Variants in RYR3 observed in about 807,000 individuals in gnomAD.
The protein encoded by RYR3 is ryanodine receptor 3, also known as brain ryanodine receptor-calcium release channel.
Under a neutral mutation model 584.3 loss-of-function variants are expected in RYR3, and 207 were observed. The observed-to-expected ratio is 0.35, with a 90% CI of 0.32 to 0.40. The LOEUF is 0.40. Among genes scored for constraint, RYR3 ranks in the 10% least tolerant of loss-of-function variants. The pLI is 1.00. For missense variants in RYR3, 5,616 were observed against 6,089.2 expected (o/e 0.92, Z 2.59); for synonymous variants, 2,416 against 2,248.5 (o/e 1.07, Z -2.11).
At position 33,550,292 on chromosome 15, in the gene RYR3, A is replaced by G. The variant is rs1465223012; in HGVS notation, c.948A>G (p.Thr316=). Residue 316 remains threonine, a synonymous_variant, in exon 10 of 104, where the codon ACA becomes ACG. Coordinates refer to ENST00000634891, the MANE Select transcript of RYR3 (RefSeq NM_001036.6). Reference sequence around the variant, plus strand: ...GGGCAAAGTCAGACACCAAGTCCACAGCTTTCTCTTTCCGGGCATCAAAGG... The same window carrying G: ...GGGCAAAGTCAGACACCAAGTCCACGGCTTTCTCTTTCCGGGCATCAAAGG... ...QDRAKSDTKS[T]AFSFRASKEL... is the part of the protein sequence containing the mutation. The G allele has an allele frequency of 3.7e-6, 6 of 1,613,274 alleles. No individual in the cohort carries two copies. In the African/African-American group the frequency reaches 8.0e-5, roughly 22 times the overall value.
chr15:33,401,966 A>G (rs1384548744), intron 1 of RYR3, among the ~76,000 whole-genome samples: 6 of 152,178 alleles, frequency 3.9e-5, no homozygotes, highest in African/African-American at 1.4e-4. Flanking sequence ...TGTAAAGATA[A>G]TATACAAGGC....
chr15:33,539,308 G>GC, intron 5 of RYR3, 42 bp from the exon 6 acceptor site: 2 of 1,319,232 alleles, frequency 1.5e-6, no homozygotes, highest in Non-Finnish European at 2.1e-6. Context: ...AGGGACACTG[G>GC]CTTCTGTGAA....
At chr15:33,346,116 A>G (rs980998582) in intron 1 of RYR3, among the ~76,000 whole-genome samples, 1 of 152,200 alleles carries the variant, frequency 6.6e-6, no homozygotes, top group Non-Finnish European at 1.5e-5. Context: ...TACTATACCA[A>G]CTTCCAAAGG....
chr15:33,524,136 A>T (rs2140991617), intron 3 of RYR3, among the ~76,000 whole-genome samples: 1 of 152,320 alleles, frequency 6.6e-6, no homozygotes, highest in South Asian at 2.1e-4. Flanking sequence ...ACATACACAC[A>T]CTATCCTTTT....
chr15:33,428,217 G>C (rs764302434), intron 1 of RYR3, among the ~76,000 whole-genome samples: 4 of 152,096 alleles, frequency 2.6e-5, no homozygotes, highest in Non-Finnish European at 4.4e-5. Context: ...TCTTCTACCT[G>C]TCCCTGTCTC....
intron 51 of RYR3, among the ~76,000 whole-genome samples, chr15:33,741,677 C>G (rs141826476): frequency 0.21 from 31,953 of 151,786 alleles, 3,681 homozygotes; most frequent in African/African-American, 0.31. Context: ...GCAGTGGTGC[C>G]ATCTCAACTC....
intron 69 of RYR3, among the ~76,000 whole-genome samples, chr15:33,806,054 C>G (rs1311080421): frequency 1.3e-5 from 2 of 152,024 alleles, no homozygotes; most frequent in African/African-American, 2.4e-5. Context: ...TACAGAAAGT[C>G]TTCTGTTTTT....
intron 24 of RYR3, among the ~76,000 whole-genome samples, chr15:33,633,328 T>C (rs1174712160): frequency 1.3e-5 from 2 of 152,232 alleles, no homozygotes; most frequent in African/African-American, 4.8e-5. Flanking sequence ...CCCACGTATC[T>C]ACTGGTGAGG....
At chr15:33,376,019 G>C (rs958022887) in intron 1 of RYR3, among the ~76,000 whole-genome samples, 4 of 152,156 alleles carry the variant, frequency 2.6e-5, no homozygotes, top group African/African-American at 4.8e-5. Context: ...AGCCGAGATC[G>C]CGCCACTGCA....
intron 86 of RYR3, among the ~76,000 whole-genome samples, chr15:33,834,052 C>T (rs1440977634): frequency 6.6e-6 from 1 of 151,996 alleles, no homozygotes; most frequent in Admixed American, 6.6e-5. Context: ...GAGGCTAAGG[C>T]GGGTGGATCA....
At position 33,810,980 on chromosome 15, in the gene RYR3, G is replaced by A. The variant is rs2076502735; in HGVS notation, c.10200G>A (p.Arg3400=). Residue 3400 remains arginine, a splice_region_variant and synonymous_variant, in exon 72 of 104, where the codon AGG becomes AGA. Transcript: ENST00000634891. The stretch of plus-strand genomic sequence containing the variant: ...AAATCTGACATCTCTTTCCACAGAG[G>A]GACACAGATGAAGAGGTCAGAGAAC... ...ISLAKSRYSH[R]DTDEEVREHL... The A allele has an allele frequency of 1.9e-6, 3 of 1,606,550 alleles. No homozygotes were observed. The highest frequency in any genetic ancestry group is 2.7e-5 in the African/African-American group (2 of 74,790).
intron 93 of RYR3, chr15:33,847,276 A>C (rs1464530873): frequency 6.6e-6 from 1 of 152,220 alleles, no homozygotes; most frequent in African/African-American, 2.4e-5. Flanking sequence ...TTTTAAAGAA[A>C]AACAGGGCAA....
chr15:33,437,109 A>G (rs2141829157), intron 1 of RYR3, among the ~76,000 whole-genome samples: 1 of 138,020 alleles, frequency 7.2e-6, no homozygotes, highest in South Asian at 2.3e-4. Context: ...TGTGAGAGAG[A>G]GAGATAGAGT....
chr15:33,465,246 G>T (rs531457839), intron 1 of RYR3, among the ~76,000 whole-genome samples: 2 of 151,874 alleles, frequency 1.3e-5, no homozygotes, highest in South Asian at 4.2e-4. Context: ...TTTCTTTGGA[G>T]ATATATATAT....
At chr15:33,379,765 G>T (rs189876685) in intron 1 of RYR3, among the ~76,000 whole-genome samples, 1 of 151,008 alleles carries the variant, frequency 6.6e-6, no homozygotes, top group Non-Finnish European at 1.5e-5. Context: ...TACAATAGGC[G>T]GTCTGCAAAA....
chr15:33,822,317 A>G (rs1431306206), intron 80 of RYR3, among the ~76,000 whole-genome samples: 1 of 152,182 alleles, frequency 6.6e-6, no homozygotes, highest in Non-Finnish European at 1.5e-5. Flanking sequence ...TGAAATTTCA[A>G]ACAGACCCTT....
chr15:33,805,083 G>A (rs1232927654), intron 69 of RYR3, among the ~76,000 whole-genome samples: 4 of 152,212 alleles, frequency 2.6e-5, no homozygotes, highest in Non-Finnish European at 5.9e-5. Flanking sequence ...TATAACACCA[G>A]TTTGCAAATG....
chr15:33,545,208 A>C (rs1234992296), intron 8 of RYR3, among the ~76,000 whole-genome samples: 2 of 152,136 alleles, frequency 1.3e-5, no homozygotes, highest in African/African-American at 4.8e-5. Flanking sequence ...CCCCACCCAC[A>C]TGCACACACC....
intron 1 of RYR3, among the ~76,000 whole-genome samples, chr15:33,463,178 T>G (rs1281318744): frequency 1.3e-5 from 2 of 151,584 alleles, no homozygotes; most frequent in East Asian, 3.9e-4. Context: ...AAAAAAAAAT[T>G]TTTTTTCAGA....
Sources: allele counts gnomAD v4.1 joint callset (sites outside exome capture counted in the v4.1 genomes callset), GRCh38; gene constraint gnomAD v4.1.1; transcripts MANE v1.5; gene names NCBI Gene and HGNC (gene_info 2026-07-23, HGNC 2026-07-21).